The following USP12 variants were observed in gnomAD, a reference collection of about 807,000 sequenced individuals.
USP12 encodes ubiquitin specific peptidase 12.
Under a neutral mutation model 45.5 loss-of-function variants are expected in USP12, and 19 were observed. That is an observed-to-expected ratio of 0.42 (90% confidence interval 0.29 to 0.61). The LOEUF (loss-of-function observed/expected upper bound fraction) is 0.61. Ranked by LOEUF, USP12 falls within the 20% of genes least tolerant of loss-of-function variation. The pLI, the probability that USP12 is intolerant of heterozygous loss-of-function variation, is 0.22. For missense variants in USP12, 242 were observed against 447.7 expected (o/e 0.54, Z 4.15); for synonymous variants, 149 against 148.8 (o/e 1.00, Z -0.01).
At chr13:27,101,953 C>T (rs972948039) in intron 3 of USP12, among the ~76,000 whole-genome samples, 2 of 152,158 alleles carry the variant, frequency 1.3e-5, no homozygotes, top group Non-Finnish European at 2.9e-5. Context: ...CCCTTTCTAT[C>T]TCATCCCTAG....
At chr13:27,116,935 A>G (rs1038000175) in intron 1 of USP12, among the ~76,000 whole-genome samples, 2 of 152,178 alleles carry the variant, frequency 1.3e-5, no homozygotes, top group Non-Finnish European at 2.9e-5. Context: ...TGATGTTCGC[A>G]TGCACAATGA....
intron 2 of USP12, among the ~76,000 whole-genome samples, chr13:27,109,634 T>C (rs1875323593): frequency 6.6e-6 from 1 of 152,116 alleles, no homozygotes; most frequent in African/African-American, 2.4e-5. Context: ...AAAGTCATCT[T>C]TGGCTGGGCG....
chr13:27,121,365 TC>T (rs1175826359), intron 1 of USP12, among the ~76,000 whole-genome samples: 1 of 149,852 alleles, frequency 6.7e-6, no homozygotes, highest in Non-Finnish European at 1.5e-5. Flanking sequence ...GAGAGTGCCC[TC>T]CTTCCACCTC....
At position 27,095,799 on chromosome 13, in the gene USP12, G is replaced by A. The variant is rs969203223; in HGVS notation, c.375C>T (p.Ala125=). The A allele has an allele frequency of 1.2e-6, 2 of 1,607,802 alleles. No homozygotes were observed. The highest frequency in any genetic ancestry group is 1.3e-5 in the African/African-American group (1 of 74,676). ...ELFDNYMQQD[A]HEFLNYLLNT... is the part of the protein sequence containing the mutation. Reference sequence around the variant, plus strand: ...TTAGTAGGTAATTTAAGAATTCATGGGCATCTTGTTGCATGTAGTTGTCAA... The same window carrying A: ...TTAGTAGGTAATTTAAGAATTCATGAGCATCTTGTTGCATGTAGTTGTCAA... The change falls in exon 4 of 9, where the codon GCC becomes GCT. Residue 125 remains alanine, a synonymous_variant. Transcript: ENST00000282344.
chr13:27,161,021 T>G (rs1331900985), intron 1 of USP12, among the ~76,000 whole-genome samples: 1 of 152,142 alleles, frequency 6.6e-6, no homozygotes, highest in Non-Finnish European at 1.5e-5. Context: ...CCGTTAAGTC[T>G]GAAACCTTCT....
At chr13:27,100,604 G>A (rs1046677742) in intron 3 of USP12, among the ~76,000 whole-genome samples, 10 of 152,040 alleles carry the variant, frequency 6.6e-5, no homozygotes, top group Non-Finnish European at 1.3e-4. Context: ...GCTTCCTGAC[G>A]TGCATGCACC....
intron 6 of USP12, among the ~76,000 whole-genome samples, chr13:27,086,221 C>A: frequency 2.4e-5 from 2 of 84,946 alleles, no homozygotes; most frequent in East Asian, 3.7e-4. Context: ...TATATATATG[C>A]GCACATATAC....
chr13:27,161,542 T>A (rs950209508), intron 1 of USP12, among the ~76,000 whole-genome samples: 3 of 151,170 alleles, frequency 2.0e-5, no homozygotes, highest in Non-Finnish European at 3.0e-5. Context: ...TTTATACCTT[T>A]AAAAAAAAAT....
At chr13:27,148,546 C>T (rs956273339) in intron 1 of USP12, among the ~76,000 whole-genome samples, 10 of 150,768 alleles carry the variant, frequency 6.6e-5, no homozygotes, top group East Asian at 3.9e-4. Flanking sequence ...TGGTGGCAGG[C>T]GCCTGTAATC....
chr13:27,110,127 T>TAAAAAAA (rs1555234986), intron 2 of USP12, among the ~76,000 whole-genome samples: 21 of 119,616 alleles, frequency 1.8e-4, no homozygotes, highest in Admixed American at 6.4e-4. Context: ...CTTTTCCAGG[T>TAAAAAAA]AAAAAAAAAA....
chr13:27,159,958 C>T (rs1302570698), intron 1 of USP12, among the ~76,000 whole-genome samples: 1 of 152,112 alleles, frequency 6.6e-6, no homozygotes, highest in African/African-American at 2.4e-5. Flanking sequence ...AAATGTGTAA[C>T]AGAAGAGAAG....
intron 4 of USP12, 48 bp from the exon 5 acceptor site, chr13:27,090,206 C>T: frequency 6.9e-7 from 1 of 1,441,196 alleles, no homozygotes; most frequent in Non-Finnish European, 9.6e-7. Flanking sequence ...ACTAGTAAAC[C>T]ACAGTTCCCA....
chr13:27,078,924 T>C (rs1298704906), intron 6 of USP12, among the ~76,000 whole-genome samples: 2 of 151,808 alleles, frequency 1.3e-5, no homozygotes, highest in African/African-American at 4.8e-5. Context: ...ACCGAAACAT[T>C]CACTAATGTA....
rs1873010797 is a variant in USP12 at position 27,066,716 on chromosome 13, C to CA, written c.*2566dup. On this transcript the variant is annotated 3_prime_UTR_variant, in exon 9 of 9. Coordinates refer to ENST00000282344, the MANE Select transcript of USP12 (RefSeq NM_182488.4). ...TTATAGAAATTTTTATTCCAATATA[C>CA]AAAATATGGGACAGCCATCCCAACA... The CA allele has an allele frequency of 6.6e-6, 1 of 152,024 alleles. No homozygotes were observed. Among genetic ancestry groups the CA allele is most frequent in the African/African-American group, 2.4e-5 (1 of 41,412 alleles). 9.4% of individuals were successfully genotyped at this position (152,024 alleles called of 1,614,324 possible).
chr13:27,141,430 A>G (rs1877052265), intron 1 of USP12, among the ~76,000 whole-genome samples: 1 of 152,208 alleles, frequency 6.6e-6, no homozygotes, highest in South Asian at 2.1e-4. Flanking sequence ...TTGGTTTCTA[A>G]ATACCATTCT....
chr13:27,092,567 A>G (rs1181432721), intron 4 of USP12, among the ~76,000 whole-genome samples: 4 of 152,230 alleles, frequency 2.6e-5, no homozygotes, highest in Admixed American at 1.3e-4. Flanking sequence ...ACTCACACAA[A>G]TAAGAGTCAA....
chr13:27,137,906 A>G (rs919821699), intron 1 of USP12, among the ~76,000 whole-genome samples: 3 of 152,272 alleles, frequency 2.0e-5, no homozygotes, highest in Admixed American at 6.5e-5. Flanking sequence ...AGAGGGCCAC[A>G]TGGCGAGGAA....
chr13:27,161,904 A>T (rs1003220767), intron 1 of USP12, among the ~76,000 whole-genome samples: 9 of 50,098 alleles, frequency 1.8e-4, no homozygotes, highest in African/African-American at 2.8e-4. Context: ...AAAATAAAAA[A>T]AAATTAAAAA....
intron 6 of USP12, among the ~76,000 whole-genome samples, chr13:27,089,087 A>C (rs1312295267): frequency 6.6e-6 from 1 of 152,192 alleles, no homozygotes; most frequent in Non-Finnish European, 1.5e-5. Flanking sequence ...TCAAGAAAGG[A>C]CTGAGAATCT....
Sources: gnomAD v4.1 joint callset for allele counts (sites outside exome capture counted in the v4.1 genomes callset) on GRCh38, gnomAD v4.1.1 for gene constraint, MANE v1.5 for transcripts, NCBI Gene and HGNC (gene_info 2026-07-23, HGNC 2026-07-21) for gene names.